The following CUL2 variants were observed in gnomAD, a reference collection of about 807,000 sequenced individuals.
The protein encoded by CUL2 is cullin 2, also known as cullin-2.
CUL2 carries 22 observed loss-of-function variants against 110.2 expected under a neutral mutation model. The ratio of observed to expected loss-of-function variants is 0.20; its 90% confidence interval spans 0.14 to 0.28. The LOEUF is 0.28. Ranked by LOEUF, CUL2 falls within the 10% of genes least tolerant of loss-of-function variation. The pLI is 1.00. For missense variants in CUL2, 631 were observed against 905.5 expected (o/e 0.70, Z 3.89); for synonymous variants, 279 against 293.2 (o/e 0.95, Z 0.49).
chr10:35,011,372 C>G (rs547093269), intron 20 of CUL2, among the ~76,000 whole-genome samples: 31 of 152,104 alleles, frequency 2.0e-4, no homozygotes, highest in South Asian at 1.0e-3. Context: ...AACCCCAGCA[C>G]TTTTGGAGGC....
chr10:35,061,770 T>G (rs1041164580), intron 3 of CUL2, among the ~76,000 whole-genome samples: 130 of 95,728 alleles, frequency 1.4e-3, no homozygotes, highest in African/African-American at 4.0e-3. Context: ...CTTATGAGGG[T>G]TTTTTTTTTT....
chr10:35,042,926 CA>C (rs1434719242), intron 8 of CUL2, among the ~76,000 whole-genome samples: 2 of 152,058 alleles, frequency 1.3e-5, no homozygotes, highest in African/African-American at 4.8e-5. Flanking sequence ...ACTCAGTCCC[CA>C]AACTGTGGGA....
chr10:35,052,339 A>G (rs1180237976), intron 5 of CUL2, among the ~76,000 whole-genome samples: 1 of 152,182 alleles, frequency 6.6e-6, no homozygotes, highest in Non-Finnish European at 1.5e-5. Context: ...CAAACTGGTA[A>G]AGGCCCTTCT....
chr10:35,042,893 G>A (rs2085831334), intron 8 of CUL2, among the ~76,000 whole-genome samples: 1 of 152,076 alleles, frequency 6.6e-6, no homozygotes, highest in Non-Finnish European at 1.5e-5. Flanking sequence ...TGGTGTCTGG[G>A]GGTGTGCAGG....
At chr10:35,112,816 G>A (rs2087538043) in intron 1 of CUL2, among the ~76,000 whole-genome samples, 1 of 152,120 alleles carries the variant, frequency 6.6e-6, no homozygotes, top group African/African-American at 2.4e-5. Context: ...CAAGATTAAA[G>A]GCCGTTCTTT....
intron 1 of CUL2, among the ~76,000 whole-genome samples, chr10:35,084,675 T>C (rs192656087): frequency 4.6e-5 from 7 of 152,340 alleles, no homozygotes; most frequent in African/African-American, 1.7e-4. Flanking sequence ...GAGAGAGGGT[T>C]CAGTCATACA....
At chr10:35,114,203 T>C (rs1298421804) in intron 1 of CUL2, among the ~76,000 whole-genome samples, 1 of 151,652 alleles carries the variant, frequency 6.6e-6, no homozygotes, top group Admixed American at 6.6e-5. Context: ...ATTACAAGTG[T>C]GAGCCACCGC....
chr10:35,076,434 A>G (rs1316744331), intron 1 of CUL2, among the ~76,000 whole-genome samples: 3 of 152,212 alleles, frequency 2.0e-5, no homozygotes, highest in Admixed American at 6.5e-5. Context: ...GCTGCTATAC[A>G]TTTAACAATG....
At chr10:35,030,181 A>C in intron 14 of CUL2, among the ~76,000 whole-genome samples, 1 of 152,188 alleles carries the variant, frequency 6.6e-6, no homozygotes, top group East Asian at 1.9e-4. Context: ...GTATCAAATG[A>C]AAGATTACAT....
chr10:35,066,241 C>A (rs1232583081), intron 2 of CUL2, among the ~76,000 whole-genome samples: 3 of 150,182 alleles, frequency 2.0e-5, no homozygotes, highest in Non-Finnish European at 4.4e-5. Flanking sequence ...TGTAAGACAA[C>A]CAAAAAAGGA....
At chr10:35,023,046 GA>G (rs1344813886) in intron 17 of CUL2, among the ~76,000 whole-genome samples, 7 of 151,524 alleles carry the variant, frequency 4.6e-5, no homozygotes. Flanking sequence ...CCATCTCAAA[GA>G]AAAAAAGAAA....
At position 35,010,264 on chromosome 10, in the gene CUL2, A is replaced by T; in HGVS notation, c.*47T>A. ...GCTTTTTCCCACAGGAACACACCAA[A>T]TGGTGATGGCAATGATCTTCTCACA... On this transcript the variant is annotated 3_prime_UTR_variant, in exon 21 of 21. Coordinates refer to ENST00000374749, the MANE Select transcript of CUL2 (RefSeq NM_003591.4). 1.3e-6 allele frequency: 2 copies of T among 1,528,996 alleles called. No individual in the cohort carries two copies. The highest frequency in any genetic ancestry group is 1.8e-6 in the Non-Finnish European group (2 of 1,133,998). 94.7% of individuals were successfully genotyped at this position (1,528,996 alleles called of 1,614,324 possible).
intron 16 of CUL2, among the ~76,000 whole-genome samples, chr10:35,025,481 A>C (rs1162374627): frequency 6.6e-6 from 1 of 152,210 alleles, no homozygotes. Flanking sequence ...ACAGTGATTC[A>C]TTATCATTTC....
intron 1 of CUL2, among the ~76,000 whole-genome samples, chr10:35,125,175 G>C (rs1231385970): frequency 6.6e-6 from 1 of 152,180 alleles, no homozygotes; most frequent in African/African-American, 2.4e-5. Context: ...CCAACTGCAT[G>C]GTTTTTAAGT....
At chr10:35,054,046 T>C (rs1451363143) in intron 5 of CUL2, among the ~76,000 whole-genome samples, 1 of 151,728 alleles carries the variant, frequency 6.6e-6, no homozygotes, top group Admixed American at 6.5e-5. Flanking sequence ...TGAATTTAAT[T>C]ACTTTTAAAG....
chr10:35,078,614 A>T (rs185630277), intron 1 of CUL2, among the ~76,000 whole-genome samples: 93 of 152,256 alleles, frequency 6.1e-4, no homozygotes, highest in African/African-American at 2.0e-3. Flanking sequence ...CATTTTTCAT[A>T]TAAAGAGATT....
intron 1 of CUL2, among the ~76,000 whole-genome samples, chr10:35,081,595 T>C (rs2086948675): frequency 6.6e-6 from 1 of 152,082 alleles, no homozygotes; most frequent in Admixed American, 6.6e-5. Context: ...TATCAAAACA[T>C]TGAGAACAAA....
rs999449664 is a variant in CUL2, at chr10:35,024,567, C to T, written c.1684+565G>A. ...TCTTCAGGCAACTCCACACACAGTC[C>T]ACAATAATTCAGGTATTAATCCTAC... On this transcript the variant is annotated intron_variant, in intron 17 of 20. Transcript: ENST00000374749. 5.3e-5 allele frequency among the ~76,000 whole-genome samples: 8 copies of T among 152,154 alleles called. 1 individual carries two copies. Among genetic ancestry groups the T allele is most frequent in the Non-Finnish European group, 1.5e-5 (1 of 68,026 alleles).
Position 35,010,320 on chromosome 10 carries a change from G to A in CUL2, c.2229C>T (p.Tyr743=), listed in dbSNP as rs190110769. Residue 743 remains tyrosine, a synonymous_variant, in exon 21 of 21, where the codon TAC becomes TAT. Transcript: ENST00000374749. ...CTGGAGGAGAGCGACATCACGCGAC[G>A]TAGCTGTATTCATCTGCCGACGCCT... is the stretch of plus-strand genomic sequence containing the variant. The part of the protein sequence containing the change: ...RSQASADEYS[Y]VA 17 of 1,609,130 alleles carry A rather than the reference G, an allele frequency of 1.1e-5. No individual in the cohort carries two copies. The highest frequency in any genetic ancestry group is 2.7e-5 in the African/African-American group (2 of 74,688).
Sources: gnomAD v4.1 joint callset for allele counts (sites outside exome capture counted in the v4.1 genomes callset) on GRCh38, gnomAD v4.1.1 for gene constraint, MANE v1.5 for transcripts, NCBI Gene and HGNC (gene_info 2026-07-23, HGNC 2026-07-21) for gene names.